KCTD8: variants seen among roughly 807,000 people sequenced by gnomAD.
KCTD8 encodes BTB/POZ domain-containing protein KCTD8.
In KCTD8, 27 loss-of-function variants were observed where a neutral mutation model predicts 31.5. That is an observed-to-expected ratio of 0.86 (90% CI 0.63 to 1.18). KCTD8 has a LOEUF of 1.18. Ranked by LOEUF, KCTD8 falls within the 50% of genes most tolerant of loss-of-function variation. KCTD8 has a pLI of 0.00. For synonymous variants in KCTD8, 290 were observed against 280.0 expected, an observed-to-expected ratio of 1.04 and a Z score of -0.36; for missense variants, 658 against 647.7, an observed-to-expected ratio of 1.02 and a Z score of -0.17.
At chr4:44,416,131 C>T (rs762378975) in intron 1 of KCTD8, among the ~76,000 whole-genome samples, 48 of 152,306 alleles carry the variant, frequency 3.2e-4, no homozygotes, top group Admixed American at 4.6e-4. Flanking sequence ...AGATTATTTT[C>T]GAGCTATAAG....
intron 1 of KCTD8, among the ~76,000 whole-genome samples, chr4:44,394,737 A>C (rs1720454133): frequency 6.6e-6 from 1 of 152,142 alleles, no homozygotes; most frequent in Admixed American, 6.6e-5. Context: ...AACCAGACCA[A>C]GATCTCAAAA....
chr4:44,193,351 T>G (rs2109335740), intron 1 of KCTD8, among the ~76,000 whole-genome samples: 1 of 152,242 alleles, frequency 6.6e-6, no homozygotes, highest in South Asian at 2.1e-4. Flanking sequence ...ACAGGTCATA[T>G]TTGGAAGAGG....
chr4:44,340,560 C>T (rs1053410561), intron 1 of KCTD8, among the ~76,000 whole-genome samples: 3 of 151,406 alleles, frequency 2.0e-5, no homozygotes, highest in Non-Finnish European at 2.9e-5. Flanking sequence ...CACCCCGCCT[C>T]GGCCTCCCAA....
intron 1 of KCTD8, among the ~76,000 whole-genome samples, chr4:44,366,642 G>T (rs1245450636): frequency 6.6e-6 from 1 of 150,820 alleles, no homozygotes; most frequent in African/African-American, 2.4e-5. Context: ...TAGCCATGCG[G>T]ATTAGCCTAC....
At chr4:44,248,086 T>C (rs777370898) in intron 1 of KCTD8, among the ~76,000 whole-genome samples, 1 of 151,954 alleles carries the variant, frequency 6.6e-6, no homozygotes, top group Non-Finnish European at 1.5e-5. Context: ...TCCTTTGTGC[T>C]TTCAGCATGA....
chr4:44,289,228 C>T (rs147257549), intron 1 of KCTD8, among the ~76,000 whole-genome samples: 7 of 151,090 alleles, frequency 4.6e-5, no homozygotes, highest in African/African-American at 1.2e-4. Flanking sequence ...CATAACATTA[C>T]ATATTATTAA....
chr4:44,304,076 T>C (rs755814004), intron 1 of KCTD8, among the ~76,000 whole-genome samples: 2 of 152,104 alleles, frequency 1.3e-5, no homozygotes, highest in African/African-American at 2.4e-5. Context: ...CCTTATGTAC[T>C]AAGGAGTCAT....
rs1429489020 is a variant in KCTD8 at position 44,368,627 on chromosome 4, AC to A, written c.961+78935del. On this transcript the variant is annotated intron_variant, in intron 1 of 1. Transcript: ENST00000360029. ...CAGAAAGATAAATATGGATTTTGGC[AC>A]CCAGAACTGGAACAGGTTTTTTGAG... Among the ~76,000 whole-genome samples, 4 of 152,146 alleles carry A rather than the reference AC, an allele frequency of 2.6e-5. No homozygotes were observed. In the South Asian group the frequency reaches 8.3e-4, roughly 31 times the overall value.
At chr4:44,180,824 T>C (rs376993274) in intron 1 of KCTD8, among the ~76,000 whole-genome samples, 1 of 152,236 alleles carries the variant, frequency 6.6e-6, no homozygotes, top group East Asian at 1.9e-4. Context: ...TAATTCTAAA[T>C]GATATAATGA....
At chr4:44,296,521 T>C (rs996168337) in intron 1 of KCTD8, among the ~76,000 whole-genome samples, 1 of 152,126 alleles carries the variant, frequency 6.6e-6, no homozygotes, top group African/African-American at 2.4e-5. Flanking sequence ...TAATGGCTTA[T>C]GAAAAATTAT....
At chr4:44,412,493 A>ATAT (rs1720985462) in intron 1 of KCTD8, among the ~76,000 whole-genome samples, 1 of 152,152 alleles carries the variant, frequency 6.6e-6, no homozygotes. Context: ...TTTCTCCAAT[A>ATAT]TGGGAAAAAT....
chr4:44,418,503 G>A (rs559666308), intron 1 of KCTD8, among the ~76,000 whole-genome samples: 1 of 152,218 alleles, frequency 6.6e-6, no homozygotes, highest in South Asian at 2.1e-4. Flanking sequence ...TTAAGCAAGG[G>A]ATCAGATCAA....
chr4:44,285,688 G>A (rs1429668771), intron 1 of KCTD8, among the ~76,000 whole-genome samples: 3 of 152,140 alleles, frequency 2.0e-5, no homozygotes, highest in Non-Finnish European at 4.4e-5. Context: ...AGGTGTGTAA[G>A]ATTGGTGTTG....
At chr4:44,198,879 C>G (rs763885895) in intron 1 of KCTD8, among the ~76,000 whole-genome samples, 1 of 152,084 alleles carries the variant, frequency 6.6e-6, no homozygotes, top group Non-Finnish European at 1.5e-5. Flanking sequence ...GATAAAAAGA[C>G]AAGACCCAAC....
intron 1 of KCTD8, among the ~76,000 whole-genome samples, chr4:44,446,532 C>A (rs1358919781): frequency 6.7e-6 from 1 of 149,690 alleles, no homozygotes; most frequent in African/African-American, 2.4e-5. Context: ...CAGCCCCACC[C>A]CACTCCCAAT....
chr4:44,433,270 T>G (rs1483571166), intron 1 of KCTD8, among the ~76,000 whole-genome samples: 1 of 151,752 alleles, frequency 6.6e-6, no homozygotes, highest in Non-Finnish European at 1.5e-5. Flanking sequence ...CCACATCCAA[T>G]AGATCACAAA....
intron 1 of KCTD8, among the ~76,000 whole-genome samples, chr4:44,184,101 C>T (rs1713509777): frequency 6.6e-6 from 1 of 152,142 alleles, no homozygotes; most frequent in South Asian, 2.1e-4. Context: ...CAACCACAGT[C>T]CCTGATATCA....
chr4:44,189,726 T>C (rs925164740), intron 1 of KCTD8, among the ~76,000 whole-genome samples: 1 of 152,108 alleles, frequency 6.6e-6, no homozygotes, highest in Non-Finnish European at 1.5e-5. Context: ...GATCATTCCT[T>C]GTCATTCTAG....
intron 1 of KCTD8, among the ~76,000 whole-genome samples, chr4:44,327,698 T>C (rs1472745964): frequency 6.6e-6 from 1 of 151,824 alleles, no homozygotes; most frequent in Non-Finnish European, 1.5e-5. Flanking sequence ...ACCTTTTCTG[T>C]ATGCATATCC....
Sources: gnomAD v4.1 joint callset for allele counts (sites outside exome capture counted in the v4.1 genomes callset) on GRCh38, gnomAD v4.1.1 for gene constraint, MANE v1.5 for transcripts, NCBI Gene and HGNC (gene_info 2026-07-23, HGNC 2026-07-21) for gene names.